Variants in INTS6 observed in about 807,000 individuals in gnomAD.
INTS6 encodes DEAD box protein.
Under a neutral mutation model 104.9 loss-of-function variants are expected in INTS6, and 16 were observed. That is an observed-to-expected ratio of 0.15 (90% CI 0.10 to 0.23). The LOEUF (loss-of-function observed/expected upper bound fraction) is 0.23. INTS6 is among the 10% of genes least tolerant of loss of function. The pLI, the probability that INTS6 is intolerant of heterozygous loss-of-function variation, is 1.00. For synonymous variants in INTS6, 324 were observed against 358.7 expected (o/e 0.90, Z 1.09); for missense variants, 584 against 1,062.8 (o/e 0.55, Z 6.26).
downstream of INTS6, among the ~76,000 whole-genome samples, chr13:51,350,624 C>G (rs1260417144): frequency 6.6e-6 from 1 of 152,018 alleles, no homozygotes; most frequent in Non-Finnish European, 1.5e-5. Context: ...AGGAGTGTTT[C>G]TTTTTTAAAA....
At chr13:51,347,319 T>C in the INTS6 span, 4 of 1,174,990 alleles carry the variant, frequency 3.4e-6, no homozygotes, top group Non-Finnish European at 5.0e-6. Context: ...TCCCTGCTCC[T>C]AAGGGATCGG....
rs767904355 is a variant in INTS6 at position 51,374,245 on chromosome 13, T to C, written c.2067A>G (p.Ala689=). ...GKGPPAPTTQ[A]QPDLIKPLPL... is the part of the protein sequence containing the mutation. ...GAAGAGGTTTAATAAGATCTGGCTGTGCTTGAGTTGTAGGTGCAGGTGGTC... is the reference window on the plus strand; with the variant it reads ...GAAGAGGTTTAATAAGATCTGGCTGCGCTTGAGTTGTAGGTGCAGGTGGTC... Residue 689 remains alanine, a synonymous_variant, in exon 15 of 18, where the codon GCA becomes GCG. Transcript: ENST00000311234. 1 of 1,614,084 alleles carries C rather than the reference T, an allele frequency of 6.2e-7. No homozygotes were observed. The highest frequency in any genetic ancestry group is 8.5e-7 in the Non-Finnish European group (1 of 1,179,944).
intron 3 of INTS6, chr13:51,449,054 T>C (rs888315279): frequency 2.0e-5 from 3 of 152,248 alleles, no homozygotes; most frequent in African/African-American, 7.2e-5. Flanking sequence ...AGTTTTATGA[T>C]GAAAAAAATC....
At chr13:51,408,020 A>G (rs1223400332) in intron 4 of INTS6, among the ~76,000 whole-genome samples, 1 of 151,462 alleles carries the variant, frequency 6.6e-6, no homozygotes, top group Non-Finnish European at 1.5e-5. Context: ...CGGTCTCAAA[A>G]AAAAAAAAAA....
At chr13:51,400,277 T>C (rs1566225923) in intron 4 of INTS6, among the ~76,000 whole-genome samples, 2 of 152,366 alleles carry the variant, frequency 1.3e-5, no homozygotes, top group South Asian at 4.1e-4. Flanking sequence ...CATTATAGTA[T>C]TGCAAATATC....
At chr13:51,337,154 C>T in the INTS6 span, among the ~76,000 whole-genome samples, 1,331 of 152,350 alleles carry the variant, frequency 8.7e-3, 21 homozygotes, top group African/African-American at 0.03. Flanking sequence ...TGTGCTCTCT[C>T]TTCATGGCAA....
In INTS6 at chr13:51,452,569, G is replaced by A. The variant is rs1198788856; in HGVS notation, c.-44C>T. On this transcript the variant is annotated 5_prime_UTR_variant, in exon 1 of 18. Coordinates refer to ENST00000311234, the MANE Select transcript of INTS6 (RefSeq NM_012141.3). This position sits in a 1 kb window ranked among gnomAD's most constrained non-coding sequence, Gnocchi z 4.2. Reference sequence around the variant, plus strand: ...CGGGGCCCGAGGTGGTGGAGAAAGAGGAGATGGTAGAGGTGGAGGCGCCGG... The same window carrying A: ...CGGGGCCCGAGGTGGTGGAGAAAGAAGAGATGGTAGAGGTGGAGGCGCCGG... 1.3e-6 allele frequency: 2 copies of A among 1,596,982 alleles called. No homozygotes were observed. The highest frequency in any genetic ancestry group is 4.6e-5 in the East Asian group (2 of 43,688).
chr13:51,393,545 CAG>C (rs1956282767), intron 5 of INTS6, among the ~76,000 whole-genome samples: 1 of 152,054 alleles, frequency 6.6e-6, no homozygotes, highest in South Asian at 2.1e-4. Context: ...ACACATTATT[CAG>C]AGATATGAAA....
At chr13:51,450,505 T>C (rs1953016051) in intron 3 of INTS6, 1 of 984,946 alleles carries the variant, frequency 1.0e-6, no homozygotes. Flanking sequence ...TAACTGTGTA[T>C]GCTTCAAAAG....
intron 4 of INTS6, among the ~76,000 whole-genome samples, chr13:51,399,847 C>A (rs1243768537): frequency 6.6e-6 from 1 of 152,012 alleles, no homozygotes; most frequent in African/African-American, 2.4e-5. Context: ...CTATTAAAGT[C>A]TTCTGCTTAT....
chr13:51,403,594 GA>G (rs1183193640), intron 4 of INTS6, among the ~76,000 whole-genome samples: 1,517 of 62,994 alleles, frequency 0.024, 21 homozygotes, highest in East Asian at 0.12. Flanking sequence ...AAAAAAAAAA[GA>G]AAAAAAAAAG....
At position 51,361,959 on chromosome 13, in the gene INTS6, T is replaced by G. The variant is rs757690305; in HGVS notation, c.*3793A>C. On this transcript the variant is annotated 3_prime_UTR_variant, in exon 18 of 18. Transcript: ENST00000311234. ...GTGTCTCTCTAGCAACAAGGGCTCA[T>G]TTGTCCACTATCCCCTCAAAAATAA... 6 of 1,611,660 alleles carry G rather than the reference T, an allele frequency of 3.7e-6. No homozygotes were observed. The highest frequency in any genetic ancestry group is 5.1e-6 in the Non-Finnish European group (6 of 1,178,584).
intron 4 of INTS6, among the ~76,000 whole-genome samples, chr13:51,412,744 A>G (rs879708124): frequency 6.6e-6 from 1 of 152,240 alleles, no homozygotes; most frequent in Non-Finnish European, 1.5e-5. Context: ...ATTTCACAAC[A>G]TACCAGTATA....
intron 4 of INTS6, among the ~76,000 whole-genome samples, chr13:51,415,788 C>A (rs1221608926): frequency 6.6e-6 from 1 of 152,108 alleles, no homozygotes; most frequent in Non-Finnish European, 1.5e-5. Context: ...GCCTTTTAGG[C>A]CAAATACACA....
intron 17 of INTS6, 44 bp downstream of exon 17, chr13:51,367,761 G>T: frequency 9.1e-7 from 1 of 1,095,060 alleles, no homozygotes; most frequent in Non-Finnish European, 1.4e-6. Context: ...ATAAACTGTG[G>T]ACTCATTTCA....
chr13:51,376,720 C>A (rs1001803554), intron 12 of INTS6, among the ~76,000 whole-genome samples: 2 of 152,124 alleles, frequency 1.3e-5, no homozygotes, highest in Non-Finnish European at 2.9e-5. Context: ...AACGTCTAAT[C>A]TTTTGTACTT....
At chr13:51,361,001 GC>G, downstream of INTS6, among the ~76,000 whole-genome samples, 2 of 152,042 alleles carry the variant, frequency 1.3e-5, no homozygotes, top group East Asian at 3.9e-4. Context: ...ATGGGGCAGT[GC>G]TCTGAATATT....
Position 51,368,978 on chromosome 13 carries a change from T to C in INTS6, c.2437A>G (p.Lys813Glu). The C allele has an allele frequency of 6.2e-7, 1 of 1,603,668 alleles. No homozygotes were observed. Among genetic ancestry groups the C allele is most frequent in the Non-Finnish European group, 8.5e-7 (1 of 1,175,882 alleles). Residue 813 changes from lysine (K) to glutamate (E), a missense_variant, in exon 16 of 18, where the codon AAA (lysine) becomes GAA (glutamate). Physicochemically the swap from Lys to Glu is moderately conservative, Grantham distance 56. Coordinates refer to ENST00000311234, the MANE Select transcript of INTS6 (RefSeq NM_012141.3). ...CGGATCTCTTTCATTATTTGTGCTTTTAGTTCAGTATTGACCTCTTCATGG... is the reference window on the plus strand; with the variant it reads ...CGGATCTCTTTCATTATTTGTGCTTCTAGTTCAGTATTGACCTCTTCATGG... ...RSHEEVNTEL[K>E]AQIMKEIRKP...
the INTS6 span, chr13:51,341,280 C>A: frequency 6.2e-7 from 1 of 1,613,886 alleles, no homozygotes; most frequent in Non-Finnish European, 8.5e-7. Context: ...CCCTGGAGAT[C>A]CTGCAGTTTG....
Sources: allele counts gnomAD v4.1 joint callset (sites outside exome capture counted in the v4.1 genomes callset), GRCh38; gene constraint gnomAD v4.1.1; non-coding constraint Gnocchi (gnomAD v3.1); transcripts MANE v1.5; gene names NCBI Gene and HGNC (gene_info 2026-07-23, HGNC 2026-07-21).